Variants in PTPRD observed in about 807,000 individuals in gnomAD.
The protein encoded by PTPRD is receptor-type tyrosine-protein phosphatase delta.
In PTPRD, 34 loss-of-function variants were observed where a neutral mutation model predicts 214.5. That is an observed-to-expected ratio of 0.16 (90% CI 0.12 to 0.21). The LOEUF is 0.21. Among genes scored for constraint, PTPRD ranks in the 10% least tolerant of loss-of-function variants. The pLI, the probability that PTPRD is intolerant of heterozygous loss-of-function variation, is 1.00. For synonymous variants in PTPRD, 1,128 were observed against 845.7 expected, an observed-to-expected ratio of 1.33 and a Z score of -5.79; for missense variants, 2,545 against 2,398.7, an observed-to-expected ratio of 1.06 and a Z score of -1.27.
At chr9:9,622,275 G>A (rs2095270081) in intron 7 of PTPRD, among the ~76,000 whole-genome samples, 1 of 152,068 alleles carries the variant, frequency 6.6e-6, no homozygotes, top group Admixed American at 6.5e-5. Context: ...GTTATTTTCT[G>A]CTTTTCCTAT....
intron 10 of PTPRD, among the ~76,000 whole-genome samples, chr9:9,075,029 G>A (rs2099749008): frequency 6.6e-6 from 1 of 151,388 alleles, no homozygotes; most frequent in African/African-American, 2.4e-5. Flanking sequence ...AATTATAATT[G>A]TACAAAAAGA....
chr9:9,995,632 G>C (rs529565276), intron 4 of PTPRD, among the ~76,000 whole-genome samples: 1 of 152,160 alleles, frequency 6.6e-6, no homozygotes, highest in South Asian at 2.1e-4. Flanking sequence ...GTTTCCTCCT[G>C]TTTTGCTCTT....
intron 2 of PTPRD, among the ~76,000 whole-genome samples, chr9:10,428,312 A>G (rs904623800): frequency 3.3e-5 from 5 of 151,786 alleles, no homozygotes; most frequent in African/African-American, 7.3e-5. Context: ...GTCTTGGGGG[A>G]AAAAAAATCA....
At chr9:10,146,057 T>C (rs1404721128) in intron 3 of PTPRD, among the ~76,000 whole-genome samples, 2 of 151,890 alleles carry the variant, frequency 1.3e-5, no homozygotes, top group African/African-American at 4.8e-5. Flanking sequence ...GTAATATTTT[T>C]AGACTATGAA....
intron 12 of PTPRD, among the ~76,000 whole-genome samples, chr9:8,693,295 T>A (rs757266650): frequency 6.6e-6 from 1 of 152,192 alleles, no homozygotes; most frequent in African/African-American, 2.4e-5. Flanking sequence ...TTGTCTCCTA[T>A]GGACTTGAAA....
intron 10 of PTPRD, among the ~76,000 whole-genome samples, chr9:9,154,044 G>C (rs1751952501): frequency 6.6e-6 from 1 of 152,076 alleles, no homozygotes; most frequent in African/African-American, 2.4e-5. Flanking sequence ...ACGTGATCTA[G>C]TAACATCCAA....
At chr9:8,903,213 T>C (rs1434157852) in intron 11 of PTPRD, among the ~76,000 whole-genome samples, 2 of 152,074 alleles carry the variant, frequency 1.3e-5, no homozygotes, top group African/African-American at 2.4e-5. Flanking sequence ...TACCTGGGCA[T>C]ACTGCATGAC....
chr9:9,306,214 A>C (rs920790822), intron 9 of PTPRD, among the ~76,000 whole-genome samples: 8 of 152,058 alleles, frequency 5.3e-5, no homozygotes, highest in Non-Finnish European at 1.2e-4. Context: ...TGAATATTTA[A>C]GGGCTGATTT....
At chr9:8,518,586 A>C (rs1359368539) in intron 20 of PTPRD, among the ~76,000 whole-genome samples, 157 bp from the exon 21 acceptor site, 5 of 152,234 alleles carry the variant, frequency 3.3e-5, no homozygotes, top group Admixed American at 3.3e-4. Context: ...ATGGCCAAGA[A>C]GGACAGGAAA....
intron 2 of PTPRD, among the ~76,000 whole-genome samples, chr9:10,572,239 A>G (rs1164464764): frequency 6.6e-6 from 1 of 152,156 alleles, no homozygotes; most frequent in Non-Finnish European, 1.5e-5. Flanking sequence ...GGGAAATACA[A>G]TAAAATGAGT....
At chr9:10,331,685 A>C (rs2096753426) in intron 3 of PTPRD, among the ~76,000 whole-genome samples, 1 of 151,792 alleles carries the variant, frequency 6.6e-6, no homozygotes, top group Non-Finnish European at 1.5e-5. Context: ...AAAACTTGCC[A>C]CCAAAAAGAC....
intron 2 of PTPRD, among the ~76,000 whole-genome samples, chr9:10,360,344 A>C (rs908199557): frequency 2.6e-5 from 4 of 152,244 alleles, no homozygotes; most frequent in Non-Finnish European, 5.9e-5. Flanking sequence ...CATCACAATT[A>C]GTTTTATATG....
intron 2 of PTPRD, among the ~76,000 whole-genome samples, chr9:10,482,015 G>T (rs2099100820): frequency 6.6e-6 from 1 of 151,578 alleles, no homozygotes; most frequent in African/African-American, 2.4e-5. Context: ...GGCATGGAGT[G>T]AAAAAAAGAG....
At chr9:10,318,279 G>C (rs2096484399) in intron 3 of PTPRD, among the ~76,000 whole-genome samples, 1 of 151,934 alleles carries the variant, frequency 6.6e-6, no homozygotes, top group Admixed American at 6.6e-5. Context: ...TCAGAAGATG[G>C]GCATCAGCAT....
At chr9:8,753,971 C>T (rs1222040050) in intron 11 of PTPRD, among the ~76,000 whole-genome samples, 7 of 151,970 alleles carry the variant, frequency 4.6e-5, no homozygotes, top group Admixed American at 3.9e-4. Flanking sequence ...GTGGAGAAAC[C>T]CGGTCTCTAC....
intron 9 of PTPRD, among the ~76,000 whole-genome samples, chr9:9,318,248 G>C (rs902681303): frequency 1.1e-4 from 15 of 138,246 alleles, no homozygotes; most frequent in African/African-American, 4.0e-4. Context: ...ACACCAAAAA[G>C]TATTTTCCCT....
At chr9:8,922,643 A>ATT (rs141535299) in intron 11 of PTPRD, among the ~76,000 whole-genome samples, 66 of 151,398 alleles carry the variant, frequency 4.4e-4, no homozygotes, top group Non-Finnish European at 8.1e-4. Context: ...TTCTAATTTT[A>ATT]TTTTTTTTGA....
chr9:9,083,275 A>G (rs1390868243), intron 10 of PTPRD, among the ~76,000 whole-genome samples: 3 of 152,168 alleles, frequency 2.0e-5, no homozygotes, highest in Non-Finnish European at 1.5e-5. Flanking sequence ...GAGCTTTGAC[A>G]AACTTGAGAA....
intron 14 of PTPRD, among the ~76,000 whole-genome samples, chr9:8,569,436 C>G (rs1388778986): frequency 1.3e-5 from 2 of 152,090 alleles, no homozygotes; most frequent in Non-Finnish European, 2.9e-5. Context: ...AAGAACTTTA[C>G]TAACCTCTAC....
Sources: allele counts gnomAD v4.1 joint callset (sites outside exome capture counted in the v4.1 genomes callset), GRCh38; gene constraint gnomAD v4.1.1; transcripts MANE v1.5; gene names NCBI Gene and HGNC (gene_info 2026-07-23, HGNC 2026-07-21).